Variants in OTOGL observed in about 807,000 individuals in gnomAD.
OTOGL encodes the protein otogelin-like protein.
In OTOGL, 285 loss-of-function variants were observed where a neutral mutation model predicts 318.5. The observed-to-expected ratio is 0.89, with a 90% confidence interval of 0.81 to 0.99. OTOGL has a LOEUF of 0.99. Among genes scored for constraint, OTOGL ranks in the 50% least tolerant of loss-of-function variants. The probability of loss-of-function intolerance (pLI) is 0.00; values close to 1 mark genes in which losing one functional copy is unlikely to be tolerated. For missense variants in OTOGL, 2,899 were observed against 2,845.6 expected, an observed-to-expected ratio of 1.02 and a Z score of -0.43; for synonymous variants, 987 against 936.5, an observed-to-expected ratio of 1.05 and a Z score of -0.99.
intron 1 of OTOGL, among the ~76,000 whole-genome samples, chr12:80,123,326 T>G (rs1870602771): frequency 6.6e-6 from 1 of 152,172 alleles, no homozygotes; most frequent in Non-Finnish European, 1.5e-5. Context: ...GAATGATGGT[T>G]TCCAGCATCA....
At chr12:80,355,704 T>C in intron 46 of OTOGL, 32 bp from the exon 47 acceptor site, 2 of 1,556,226 alleles carry the variant, frequency 1.3e-6, no homozygotes, top group Non-Finnish European at 1.8e-6. Flanking sequence ...TGCCCAGGTT[T>C]TGAGTGTTAT....
At chr12:80,186,739 T>G (rs1009246362) in intron 1 of OTOGL, among the ~76,000 whole-genome samples, 1 of 152,058 alleles carries the variant, frequency 6.6e-6, no homozygotes, top group African/African-American at 2.4e-5. Flanking sequence ...ATCTGTGTTA[T>G]CCCATGTAAT....
chr12:80,255,505 T>C (rs1881956178), intron 16 of OTOGL, among the ~76,000 whole-genome samples: 1 of 151,998 alleles, frequency 6.6e-6, no homozygotes, highest in Admixed American at 6.6e-5. Flanking sequence ...TTTGTACATA[T>C]AGTTTTGTAC....
intron 4 of OTOGL, among the ~76,000 whole-genome samples, chr12:80,215,738 A>T (rs1389068215): frequency 1.3e-5 from 2 of 152,166 alleles, no homozygotes; most frequent in Admixed American, 1.3e-4. Flanking sequence ...GAGCCAAAGG[A>T]AGAAGGTTTT....
intron 52 of OTOGL, among the ~76,000 whole-genome samples, chr12:80,364,936 G>A (rs568094976): frequency 6.6e-6 from 1 of 152,002 alleles, no homozygotes; most frequent in Admixed American, 6.6e-5. Context: ...TTCACATCTT[G>A]CCTGAATATA....
At chr12:80,221,892 T>G (rs764382861) in intron 6 of OTOGL, among the ~76,000 whole-genome samples, 199 bp from the exon 7 acceptor site, 18 of 152,194 alleles carry the variant, frequency 1.2e-4, no homozygotes, top group Non-Finnish European at 2.2e-4. Flanking sequence ...TCATAACTAC[T>G]TGGAGACCCT....
At chr12:80,285,439 A>C (rs1036938835) in intron 26 of OTOGL, among the ~76,000 whole-genome samples, 2 of 152,168 alleles carry the variant, frequency 1.3e-5, no homozygotes, top group African/African-American at 4.8e-5. Flanking sequence ...CTTGATGGGA[A>C]TAGCATTGAA....
At chr12:80,148,813 G>A (rs1201286103) in intron 1 of OTOGL, among the ~76,000 whole-genome samples, 4 of 151,948 alleles carry the variant, frequency 2.6e-5, no homozygotes, top group Non-Finnish European at 5.9e-5. Context: ...TTCATCTTCT[G>A]TTGCTGATAC....
intron 1 of OTOGL, among the ~76,000 whole-genome samples, chr12:80,191,839 A>T (rs917803834): frequency 6.6e-6 from 1 of 152,210 alleles, no homozygotes; most frequent in Non-Finnish European, 1.5e-5. Context: ...GAATGGCAAG[A>T]GAGGAACTAG....
chr12:80,165,523 A>G (rs981585073), intron 1 of OTOGL, among the ~76,000 whole-genome samples: 2 of 152,126 alleles, frequency 1.3e-5, no homozygotes, highest in African/African-American at 4.8e-5. Flanking sequence ...TTCTTGCACT[A>G]TCTACTTTGC....
chr12:80,296,736 A>T (rs1885425892), intron 26 of OTOGL, 91 bp from the exon 27 acceptor site: 4 of 1,007,926 alleles, frequency 4.0e-6, no homozygotes, highest in Non-Finnish European at 5.3e-6. Context: ...AATGCAATCC[A>T]TTGTCAATAT....
chr12:80,326,071 G>A (rs1259487299), intron 35 of OTOGL, among the ~76,000 whole-genome samples: 1 of 151,944 alleles, frequency 6.6e-6, no homozygotes, highest in Non-Finnish European at 1.5e-5. Context: ...TTTTGCTTTC[G>A]TTGTGCCAAA....
chr12:80,160,238 G>A lies in OTOGL; in HGVS notation c.-19-49175G>A, dbSNP rs190937815. Among the ~76,000 whole-genome samples the A allele has an allele frequency of 2.4e-4, 36 of 151,602 alleles. No homozygotes were observed. In the East Asian group the frequency reaches 3.9e-3, roughly 16 times the overall value. ...AAGCAAATGCAACAAAAGTAAATAGGTGGGACTTAATTAAACTAAAAAGCT... is the reference window on the plus strand; with the variant it reads ...AAGCAAATGCAACAAAAGTAAATAGATGGGACTTAATTAAACTAAAAAGCT... On this transcript the variant is annotated intron_variant, in intron 1 of 58. Transcript: ENST00000547103.
rs142851645 is a variant in OTOGL, at chr12:80,330,487, A to G, written c.4348+1368A>G. On this transcript the variant is annotated intron_variant, in intron 37 of 58. Transcript: ENST00000547103. ...TTCAATTTATAAGGGGAATAAGTCT[A>G]TGAAATAAGATTGCATGTTTTAACA... is the stretch of plus-strand genomic sequence containing the variant. Among the ~76,000 whole-genome samples the G allele has an allele frequency of 4.3e-3, 662 of 152,318 alleles. 3 individuals are homozygous for G. The highest frequency in any genetic ancestry group is 0.016 in the East Asian group (81 of 5,184).
intron 1 of OTOGL, among the ~76,000 whole-genome samples, chr12:80,127,573 C>T (rs1278631674): frequency 2.6e-5 from 4 of 152,134 alleles, no homozygotes; most frequent in Non-Finnish European, 2.9e-5. Context: ...TTTCCTGAAT[C>T]TGAATGTTGG....
intron 1 of OTOGL, among the ~76,000 whole-genome samples, chr12:80,127,801 C>A (rs1158415877): frequency 6.6e-6 from 1 of 152,170 alleles, no homozygotes; most frequent in Non-Finnish European, 1.5e-5. Flanking sequence ...GATCTTCCAT[C>A]ACTGATACCC....
intron 57 of OTOGL, among the ~76,000 whole-genome samples, chr12:80,375,204 G>C (rs1344556957): frequency 6.6e-6 from 1 of 152,122 alleles, no homozygotes; most frequent in African/African-American, 2.4e-5. Flanking sequence ...ACTATTGCAG[G>C]CTCTGTGTTG....
At chr12:80,160,240 G>A (rs1873415308) in intron 1 of OTOGL, among the ~76,000 whole-genome samples, 1 of 151,862 alleles carries the variant, frequency 6.6e-6, no homozygotes, top group Non-Finnish European at 1.5e-5. Flanking sequence ...GTAAATAGGT[G>A]GGACTTAATT....
At chr12:80,103,365 C>T in intron 1 of OTOGL, 1 of 1,058,830 alleles carries the variant, frequency 9.4e-7, no homozygotes, top group Non-Finnish European at 1.4e-6. Context: ...GATCGATCTT[C>T]TTTTCTTTTC....
Sources: allele counts gnomAD v4.1 joint callset (sites outside exome capture counted in the v4.1 genomes callset), GRCh38; gene constraint gnomAD v4.1.1; transcripts MANE v1.5; gene names NCBI Gene and HGNC (gene_info 2026-07-23, HGNC 2026-07-21).